PAAF1: variants seen among roughly 807,000 people sequenced by gnomAD.
The protein encoded by PAAF1 is proteasomal ATPase associated factor 1.
Under a neutral mutation model 52.8 loss-of-function variants are expected in PAAF1, and 46 were observed. That is an observed-to-expected ratio of 0.87 (90% CI 0.69 to 1.11). PAAF1 has a LOEUF of 1.11. Ranked by LOEUF, PAAF1 falls within the 50% of genes most tolerant of loss-of-function variation. The pLI, the probability that PAAF1 is intolerant of heterozygous loss-of-function variation, is 0.00. For synonymous variants in PAAF1, 178 were observed against 172.8 expected (o/e 1.03, Z -0.24); for missense variants, 424 against 477.4 (o/e 0.89, Z 1.04).
chr11:73,915,683 C>A (rs1379749927), intron 8 of PAAF1, among the ~76,000 whole-genome samples: 2 of 152,158 alleles, frequency 1.3e-5, no homozygotes, highest in Admixed American at 1.3e-4. Flanking sequence ...CTTCCTACAT[C>A]CTCTGAATTT....
Position 73,924,624 on chromosome 11 carries a change from G to A in PAAF1, c.1028G>A (p.Ser343Asn), listed in dbSNP as rs1484087971. ...DGFIASQGDG[S>N]CFIVQQDLDY... ...TCTTTCTGCCTTTCAGGTGATGGAA[G>A]CTGTTTTATTGTCCAGCAAGACTTA... is the stretch of plus-strand genomic sequence containing the variant. The change falls in exon 11 of 12, where the codon AGC (serine) becomes AAC (asparagine). Residue 343 changes from serine (S) to asparagine (N), a missense_variant. Transcript: ENST00000310571. The A allele has an allele frequency of 1.2e-6, 2 of 1,613,726 alleles. No homozygotes were observed. The highest frequency in any genetic ancestry group is 4.5e-5 in the East Asian group (2 of 44,868).
intron 4 of PAAF1, among the ~76,000 whole-genome samples, chr11:73,892,903 G>A (rs1262191649): frequency 5.3e-5 from 8 of 151,988 alleles, no homozygotes; most frequent in East Asian, 1.9e-4. Context: ...CTTGTGATCC[G>A]CCCACCTCGG....
At chr11:73,897,652 C>T (rs1361112012) in intron 4 of PAAF1, among the ~76,000 whole-genome samples, 2 of 150,124 alleles carry the variant, frequency 1.3e-5, no homozygotes, top group South Asian at 4.2e-4. Flanking sequence ...AGGCTCCTCA[C>T]TTTCCAGACT....
intron 8 of PAAF1, among the ~76,000 whole-genome samples, chr11:73,914,706 T>A (rs1168037013): frequency 1.3e-5 from 2 of 151,176 alleles, no homozygotes; most frequent in Non-Finnish European, 3.0e-5. Flanking sequence ...TCTTTTTTTT[T>A]TTTTTTTTTG....
upstream of PAAF1, chr11:73,876,861 C>T (rs1050175193): frequency 1.4e-6 from 1 of 699,122 alleles, no homozygotes; most frequent in Admixed American, 3.9e-5. Context: ...ACCAGCCCCT[C>T]GTGGGGAGCG....
intron 1 of PAAF1, among the ~76,000 whole-genome samples, chr11:73,878,290 G>A (rs552205065): frequency 3.9e-4 from 60 of 152,278 alleles, no homozygotes; most frequent in Admixed American, 1.2e-3. Flanking sequence ...AATGATAGAG[G>A]GTTGCTGTCA....
intron 4 of PAAF1, among the ~76,000 whole-genome samples, chr11:73,896,852 C>G (rs1310851894): frequency 2.0e-5 from 3 of 151,696 alleles, no homozygotes; most frequent in Admixed American, 2.0e-4. Flanking sequence ...CAGAGGGGCT[C>G]CTCACTTCCC....
rs376568654 is a variant in PAAF1, at chr11:73,900,316, T to A, written c.428T>A (p.Phe143Tyr). 6.2e-7 allele frequency: 1 copy of A among 1,612,466 alleles called. No individual in the cohort carries two copies. The change falls in exon 6 of 12, where the codon TTC becomes TAC. Residue 143 changes from phenylalanine (F) to tyrosine (Y), a missense_variant. Phe to Tyr is a conservative substitution (Grantham distance 22). Transcript: ENST00000310571. ...TTTGATGTGAATTGTTGCAGGTTTT[T>A]CCCATCAGGCCTTGTGGTCCTGAGT... ...HVFDVNCCRF[F>Y]PSGLVVLSGG...
At chr11:73,896,762 T>G (rs890910601) in intron 4 of PAAF1, among the ~76,000 whole-genome samples, 1 of 152,222 alleles carries the variant, frequency 6.6e-6, no homozygotes, top group Non-Finnish European at 1.5e-5. Flanking sequence ...CCCCTTTCTA[T>G]TCTACAAAAC....
chr11:73,927,332 T>G lies in PAAF1; in HGVS notation c.1149T>G (p.Leu383=), dbSNP rs915793185. The G allele has an allele frequency of 6.2e-7, 1 of 1,614,172 alleles. No homozygotes were observed. The highest frequency in any genetic ancestry group is 8.5e-7 in the Non-Finnish European group (1 of 1,180,024). The change falls in exon 12 of 12, where the codon CTT becomes CTG. Residue 383 remains leucine (L), a synonymous_variant. Coordinates refer to ENST00000310571, the MANE Select transcript of PAAF1 (RefSeq NM_025155.3). ...TCTACACATGCTGTCGAGACGGTCT[T>G]GTACGACGCTACCAGCTTTCTGACC... ...KQIYTCCRDG[L]VRRYQLSDL is the part of the protein sequence containing the mutation.
chr11:73,889,141 G>A, intron 3 of PAAF1: 1 of 1,477,628 alleles, frequency 6.8e-7, no homozygotes, highest in East Asian at 2.5e-5. Context: ...CACAGCCTGG[G>A]TGCTGACTTC....
chr11:73,896,950 C>T lies in PAAF1; in HGVS notation c.283-2196C>T, dbSNP rs564996181. ...GGGCTGACCCCCCAGACCTCCCTCC[C>T]CGACGGGGCGGCTGGCCGGGCGGGG... is the stretch of plus-strand genomic sequence containing the variant. On this transcript the variant is annotated intron_variant, in intron 4 of 11. Transcript: ENST00000310571. Among the ~76,000 whole-genome samples the T allele has an allele frequency of 2.6e-4, 38 of 146,612 alleles. 1 individual carries two copies. Among genetic ancestry groups the T allele is most frequent in the African/African-American group, 9.2e-4 (36 of 39,324 alleles).
chr11:73,882,944 G>C (rs1948958778), intron 2 of PAAF1, among the ~76,000 whole-genome samples: 1 of 152,168 alleles, frequency 6.6e-6, no homozygotes, highest in Non-Finnish European at 1.5e-5. Flanking sequence ...CTGTTGCCCA[G>C]GCTGGAGTAC....
At chr11:73,909,255 C>A in intron 6 of PAAF1, 144 bp from the exon 7 acceptor site, 1 of 639,240 alleles carries the variant, frequency 1.6e-6, no homozygotes, top group Non-Finnish European at 2.6e-6. Context: ...TTCTGTTTTT[C>A]TAGCACTTGA....
chr11:73,894,537 C>G (rs35066247), intron 4 of PAAF1, among the ~76,000 whole-genome samples: 1 of 151,736 alleles, frequency 6.6e-6, no homozygotes, highest in African/African-American at 2.4e-5. Flanking sequence ...TGTTAAATGA[C>G]GAGTTAATGG....
intron 10 of PAAF1, chr11:73,922,270 G>A (rs1179398392): frequency 7.1e-6 from 4 of 564,226 alleles, no homozygotes; most frequent in Non-Finnish European, 1.0e-5. Flanking sequence ...AGAAGGCAAG[G>A]CATAACTTCC....
intron 6 of PAAF1, among the ~76,000 whole-genome samples, chr11:73,908,245 GTGTATATATA>G (rs1399357794): frequency 4.8e-5 from 7 of 147,232 alleles, no homozygotes; most frequent in South Asian, 2.1e-4. Context: ...GTATATATAT[GTGTATATATA>G]TGTATATATG....
At chr11:73,901,667 A>G (rs144673595) in intron 6 of PAAF1, among the ~76,000 whole-genome samples, 162 of 150,986 alleles carry the variant, frequency 1.1e-3, no homozygotes, top group Non-Finnish European at 1.7e-3. Flanking sequence ...CAGTGGCATG[A>G]TCTCAGCTCA....
chr11:73,928,461 A>G lies in PAAF1; in HGVS notation c.*1099A>G, dbSNP rs566885468. Reference sequence around the variant, plus strand: ...TCACCTCCTTTTTTCTCTAAACATAAAAATGGAATCATAATGTATGTATTC... The same window carrying G: ...TCACCTCCTTTTTTCTCTAAACATAGAAATGGAATCATAATGTATGTATTC... On this transcript the variant is annotated 3_prime_UTR_variant, in exon 12 of 12. Coordinates refer to ENST00000310571, the MANE Select transcript of PAAF1 (RefSeq NM_025155.3). The G allele has an allele frequency of 1.3e-5, 2 of 152,346 alleles. No homozygotes were observed. The highest frequency in any genetic ancestry group is 4.1e-4 in the South Asian group (2 of 4,832). 9.4% of individuals were successfully genotyped at this position (152,346 alleles called of 1,614,324 possible). A position where few individuals can be genotyped will look rare whatever the true frequency, so the allele number is the denominator to read the frequency against.
Sources: allele counts gnomAD v4.1 joint callset (sites outside exome capture counted in the v4.1 genomes callset), GRCh38; gene constraint gnomAD v4.1.1; transcripts MANE v1.5; gene names NCBI Gene and HGNC (gene_info 2026-07-23, HGNC 2026-07-21).